The following GRM7 variants were observed in gnomAD, a reference collection of about 807,000 sequenced individuals.
GRM7 encodes metabotropic glutamate receptor 7.
A neutral mutation model predicts 84.5 loss-of-function variants in GRM7; 35 were observed. That is an observed-to-expected ratio of 0.41 (90% CI 0.32 to 0.55). GRM7 has a LOEUF of 0.55. Ranked by LOEUF, GRM7 falls within the 20% of genes least tolerant of loss-of-function variation. The pLI, the probability that GRM7 is intolerant of heterozygous loss-of-function variation, is 0.19. For synonymous variants in GRM7, 487 were observed against 455.1 expected, an observed-to-expected ratio of 1.07 and a Z score of -0.89; for missense variants, 1,003 against 1,194.6, an observed-to-expected ratio of 0.84 and a Z score of 2.36.
chr3:6,929,123 C>T (rs1199374933), intron 1 of GRM7, among the ~76,000 whole-genome samples: 1 of 152,146 alleles, frequency 6.6e-6, no homozygotes, highest in Admixed American at 6.5e-5. Flanking sequence ...GCCAAGTTGT[C>T]AGTAAAAAAT....
rs369902937 is a variant in GRM7 at position 7,301,058 on chromosome 3, C to T, written c.878+2233C>T. ...GATTCAATATATGGTCTCATTTTTA[C>T]GGTTTAGGCCTCATCTACATTCATC... On this transcript the variant is annotated intron_variant, in intron 3 of 9. Coordinates refer to ENST00000357716, the MANE Select transcript of GRM7 (RefSeq NM_000844.4). Among the ~76,000 whole-genome samples the T allele has an allele frequency of 3.6e-3, 549 of 152,088 alleles. 5 individuals are homozygous for T. The highest frequency in any genetic ancestry group is 0.022 in the South Asian group (107 of 4,824).
intron 7 of GRM7, among the ~76,000 whole-genome samples, chr3:7,493,131 AT>A (rs1431163219): frequency 6.6e-6 from 1 of 152,050 alleles, no homozygotes; most frequent in Non-Finnish European, 1.5e-5. Flanking sequence ...TTGGGAAAAA[AT>A]GTGTATGTTT....
chr3:7,013,532 C>T (rs9311970), intron 1 of GRM7, among the ~76,000 whole-genome samples: 9,058 of 152,178 alleles, frequency 0.06, 297 homozygotes, highest in African/African-American at 0.073. Context: ...TTTTAGTCAA[C>T]GTTCACATAT....
chr3:6,930,142 A>G (rs960704525), intron 1 of GRM7, among the ~76,000 whole-genome samples: 2 of 152,198 alleles, frequency 1.3e-5, no homozygotes, highest in Non-Finnish European at 2.9e-5. Context: ...CAAGTTCTTT[A>G]TATTCTCTGA....
chr3:7,624,798 T>C (rs1697529574), intron 8 of GRM7, among the ~76,000 whole-genome samples: 1 of 152,154 alleles, frequency 6.6e-6, no homozygotes, highest in Non-Finnish European at 1.5e-5. Context: ...GCTGTTCCTC[T>C]GTGTCTTTTC....
chr3:7,193,936 T>C (rs947007777), intron 2 of GRM7, among the ~76,000 whole-genome samples: 1 of 152,110 alleles, frequency 6.6e-6, no homozygotes, highest in African/African-American at 2.4e-5. Flanking sequence ...ACAACAGATA[T>C]CTTGATTACT....
At chr3:7,369,924 G>T (rs114705725) in intron 4 of GRM7, among the ~76,000 whole-genome samples, 1 of 151,944 alleles carries the variant, frequency 6.6e-6, no homozygotes, top group Non-Finnish European at 1.5e-5. Context: ...CTTCTATTCC[G>T]ATCTAGTCGA....
chr3:6,983,199 C>T (rs2124836778), intron 1 of GRM7, among the ~76,000 whole-genome samples: 1 of 152,258 alleles, frequency 6.6e-6, no homozygotes, highest in African/African-American at 2.4e-5. Flanking sequence ...CCACAAACTA[C>T]TAAAAGGCCA....
At chr3:7,096,115 T>TA (rs1698851198) in intron 1 of GRM7, among the ~76,000 whole-genome samples, 1 of 152,066 alleles carries the variant, frequency 6.6e-6, no homozygotes, top group African/African-American at 2.4e-5. Flanking sequence ...CCAGTGAAAA[T>TA]ATTCTGCTCT....
chr3:7,653,664 A>G (rs1400303236), intron 8 of GRM7, among the ~76,000 whole-genome samples: 1 of 152,210 alleles, frequency 6.6e-6, no homozygotes, highest in Non-Finnish European at 1.5e-5. Context: ...CTGAAGCAGC[A>G]GGATGTAAAA....
intron 1 of GRM7, among the ~76,000 whole-genome samples, chr3:6,996,117 C>T (rs757141682): frequency 1.3e-5 from 2 of 151,994 alleles, no homozygotes; most frequent in African/African-American, 2.4e-5. Flanking sequence ...GGTGCAATCT[C>T]GGCTCACTGC....
In GRM7 at chr3:7,578,702, T is replaced by C. The variant is rs1199066174; in HGVS notation, c.1796T>C (p.Met599Thr). The change falls in exon 8 of 10, where the codon ATG becomes ACG. Residue 599 changes from methionine (M) to threonine (T), a missense_variant. Met to Thr is a moderately conservative substitution (Grantham distance 81, BLOSUM62 -1). Coordinates refer to ENST00000357716, the MANE Select transcript of GRM7 (RefSeq NM_000844.4). Reference protein sequence around the residue: ...PWAVIPVFLAMLGIIATIFVM... With the variant: ...PWAVIPVFLATLGIIATIFVM... ...GCTGTGATTCCTGTCTTCCTGGCAA[T>C]GTTGGGGATCATTGCCACCATCTTT... 3 of 1,613,946 alleles carry C rather than the reference T, an allele frequency of 1.9e-6. No individual in the cohort carries two copies. Among genetic ancestry groups the C allele is most frequent in the South Asian group, 1.1e-5 (1 of 91,082 alleles).
chr3:7,389,054 A>G (rs1694891766), intron 4 of GRM7, among the ~76,000 whole-genome samples: 2 of 152,050 alleles, frequency 1.3e-5, no homozygotes, highest in Admixed American at 1.3e-4. Context: ...TTTGCCACAT[A>G]CCAGAGGTTT....
At chr3:7,430,722 C>T (rs1462250431) in intron 5 of GRM7, among the ~76,000 whole-genome samples, 2 of 152,172 alleles carry the variant, frequency 1.3e-5, no homozygotes, top group African/African-American at 4.8e-5. Flanking sequence ...TCTCTTGTTT[C>T]TGCTTATTTT....
At chr3:7,298,513 GAAC>G (rs1476415629) in intron 2 of GRM7, 168 bp from the exon 3 acceptor site, 12 of 588,954 alleles carry the variant, frequency 2.0e-5, no homozygotes, top group Non-Finnish European at 3.3e-5. Context: ...CATTAGGTAT[GAAC>G]AACATCTCAG....
At chr3:7,397,397 G>A (rs896137609) in intron 4 of GRM7, among the ~76,000 whole-genome samples, 1 of 152,116 alleles carries the variant, frequency 6.6e-6, no homozygotes, top group Non-Finnish European at 1.5e-5. Context: ...CTTTACTAGA[G>A]GGTGAAAAGG....
chr3:7,309,373 A>T (rs1700311204), intron 4 of GRM7, among the ~76,000 whole-genome samples: 1 of 152,160 alleles, frequency 6.6e-6, no homozygotes, highest in South Asian at 2.1e-4. Context: ...CCTTCCCTAC[A>T]GTCATTTGCT....
intron 7 of GRM7, among the ~76,000 whole-genome samples, chr3:7,547,811 T>C (rs1693241243): frequency 6.6e-6 from 1 of 152,076 alleles, no homozygotes; most frequent in South Asian, 2.1e-4. Context: ...AAGAATAAAT[T>C]CTCCCCTAAT....
Position 7,380,021 on chromosome 3 carries a change from G to C in GRM7, c.1034-35002G>C, listed in dbSNP as rs558761614. ...AAGGTAACTTGGATGTGTTTTTGTT[G>C]GTTCTACTCCATTTCGAAATGATAT... is the stretch of plus-strand genomic sequence containing the variant. On this transcript the variant is annotated intron_variant, in intron 4 of 9. Coordinates refer to ENST00000357716, the MANE Select transcript of GRM7 (RefSeq NM_000844.4). 2.3e-3 allele frequency among the ~76,000 whole-genome samples: 346 copies of C among 152,128 alleles called. 1 individual carries two copies. The highest frequency in any genetic ancestry group is 4.2e-3 in the Non-Finnish European group (283 of 67,996).
Sources: gnomAD v4.1 joint callset for allele counts (sites outside exome capture counted in the v4.1 genomes callset) on GRCh38, gnomAD v4.1.1 for gene constraint, MANE v1.5 for transcripts, NCBI Gene and HGNC (gene_info 2026-07-23, HGNC 2026-07-21) for gene names.